IMMT: variants seen among roughly 807,000 people sequenced by gnomAD.
IMMT encodes MICOS complex subunit MIC60.
Under a neutral mutation model 92.7 loss-of-function variants are expected in IMMT, and 40 were observed. The observed-to-expected ratio is 0.43, with a 90% CI of 0.34 to 0.56. IMMT has a LOEUF of 0.56. IMMT is among the 20% of genes least tolerant of loss of function. The pLI, the probability that IMMT is intolerant of heterozygous loss-of-function variation, is 0.03. For missense variants in IMMT, 831 were observed against 912.1 expected (o/e 0.91, Z 1.14); for synonymous variants, 322 against 336.1 (o/e 0.96, Z 0.46).
chr2:86,146,692 A>G (rs1302290842), intron 13 of IMMT, among the ~76,000 whole-genome samples: 2 of 151,950 alleles, frequency 1.3e-5, no homozygotes, highest in Non-Finnish European at 2.9e-5. Flanking sequence ...AGGTTTACTG[A>G]TGGAACCTAA....
chr2:86,151,406 G>A lies in IMMT; in HGVS notation c.1292C>T (p.Thr431Met), dbSNP rs149077923. The change falls in exon 12 of 15, where the codon ACG becomes ATG. Residue 431 changes from threonine (T) to methionine (M), a missense_variant. Transcript: ENST00000410111. ...CAGCTTTTGTTTCTCCAAGGCTAAC[G>A]TGATGTGCTGCTTTTCGGTGGCCTT... Reference protein sequence around the residue: ...EQKATEKQHITLALEKQKLEE... With the variant: ...EQKATEKQHIMLALEKQKLEE... 2.8e-5 allele frequency: 45 copies of A among 1,613,846 alleles called. No individual in the cohort carries two copies. The highest frequency in any genetic ancestry group is 3.7e-5 in the Non-Finnish European group (44 of 1,179,902).
intron 13 of IMMT, 115 bp downstream of exon 13, chr2:86,147,587 G>C (rs1675115558): frequency 2.1e-6 from 2 of 960,536 alleles, no homozygotes; most frequent in South Asian, 1.9e-5. Flanking sequence ...CAGTTTTGTA[G>C]ACATACAAGG....
chr2:86,144,151 G>A lies in IMMT; in HGVS notation c.*117C>T. ...GCAACAGGTGTTAACATTTAGAACA[G>A]TACTTGTAAACCTGCTCATTTCTAG... On this transcript the variant is annotated 3_prime_UTR_variant, in exon 15 of 15. Transcript: ENST00000410111. 1 of 1,098,522 alleles carries A rather than the reference G, an allele frequency of 9.1e-7. No individual in the cohort carries two copies. The highest frequency in any genetic ancestry group is 1.3e-6 in the Non-Finnish European group (1 of 771,478). 68.0% of individuals were successfully genotyped at this position (1,098,522 alleles called of 1,614,324 possible).
Position 86,179,484 on chromosome 2 carries a change from G to A in IMMT, c.258C>T (p.Phe86=), listed in dbSNP as rs372066523. 2.2e-5 allele frequency: 35 copies of A among 1,612,784 alleles called. No individual in the cohort carries two copies. In the African/African-American group the frequency reaches 2.5e-4, roughly 12 times the overall value. The change falls in exon 3 of 15, where the codon TTC becomes TTT. Residue 86 remains phenylalanine (F), a synonymous_variant. Coordinates refer to ENST00000410111, the MANE Select transcript of IMMT (RefSeq NM_006839.3). ...AAGCTGCAGGACCAAGAACCATCTC[G>A]AAGAGTTTGTCTGAGTAAGGTATGG... ...EKTIPYSDKL[F]EMVLGPAAYN... is the part of the protein sequence containing the mutation.
At chr2:86,192,623 T>G (rs1229174313) in intron 1 of IMMT, among the ~76,000 whole-genome samples, 1 of 152,146 alleles carries the variant, frequency 6.6e-6, no homozygotes, top group Admixed American at 6.5e-5. Flanking sequence ...GGAAACTGTG[T>G]AATAAATACA....
chr2:86,148,836 C>G (rs1005152767), intron 12 of IMMT, among the ~76,000 whole-genome samples: 1 of 150,958 alleles, frequency 6.6e-6, no homozygotes, highest in African/African-American at 2.4e-5. Flanking sequence ...TTCTCAGAAA[C>G]AATATAATAA....
intron 3 of IMMT, among the ~76,000 whole-genome samples, chr2:86,174,756 A>AT (rs1677319987): frequency 6.6e-6 from 1 of 152,152 alleles, no homozygotes; most frequent in Admixed American, 6.5e-5. Context: ...ATTTAACACT[A>AT]TATCATGGAC....
chr2:86,170,242 C>T (rs190037591), intron 6 of IMMT, among the ~76,000 whole-genome samples: 270 of 152,150 alleles, frequency 1.8e-3, no homozygotes, highest in Non-Finnish European at 2.9e-3. Context: ...TAGTGAGATG[C>T]CTGTGTCTAT....
At chr2:86,168,576 T>A (rs1676878855) in intron 6 of IMMT, among the ~76,000 whole-genome samples, 2 of 152,116 alleles carry the variant, frequency 1.3e-5, no homozygotes, top group Admixed American at 6.6e-5. Flanking sequence ...TGAGCCGATA[T>A]TGCACCACTG....
At chr2:86,190,647 T>C (rs1673057317) in intron 1 of IMMT, among the ~76,000 whole-genome samples, 1 of 152,178 alleles carries the variant, frequency 6.6e-6, no homozygotes, top group Admixed American at 6.5e-5. Context: ...ATTTACTGAA[T>C]ACCCACATCT....
At chr2:86,195,213 C>G in intron 1 of IMMT, 125 bp downstream of exon 1, 4 of 1,070,482 alleles carry the variant, frequency 3.7e-6, no homozygotes, top group Non-Finnish European at 5.1e-6. Context: ...CGGGCCTCTC[C>G]CGACGAGGGT....
intron 1 of IMMT, among the ~76,000 whole-genome samples, chr2:86,183,707 T>A (rs1672577936): frequency 6.6e-6 from 1 of 152,188 alleles, no homozygotes; most frequent in Non-Finnish European, 1.5e-5. Context: ...ACATTTTATG[T>A]ATATTTATTC....
Position 86,191,907 on chromosome 2 carries a change from T to A in IMMT, c.45+3431A>T, listed in dbSNP as rs1673149811. Among the ~76,000 whole-genome samples, 6 of 149,042 alleles carry A rather than the reference T, an allele frequency of 4.0e-5. No homozygotes were observed. The Admixed American group carries it at 4.0e-4, about 10-fold the overall frequency. On this transcript the variant is annotated intron_variant, in intron 1 of 14. Transcript: ENST00000410111. The stretch of plus-strand genomic sequence containing the variant: ...TCCAGCCTGGGTGACAGAGCAAGAC[T>A]CCATCTCAAAAAAAATTAATAAATA...
At chr2:86,173,847 T>C in intron 3 of IMMT, 86 bp from the exon 4 acceptor site, 1 of 681,106 alleles carries the variant, frequency 1.5e-6, no homozygotes. Context: ...AAATGCCAAG[T>C]CTTTCAGGCT....
chr2:86,186,762 T>A (rs1672801142), intron 1 of IMMT, among the ~76,000 whole-genome samples: 1 of 152,220 alleles, frequency 6.6e-6, no homozygotes, highest in Non-Finnish European at 1.5e-5. Context: ...TTTCCAGAAC[T>A]GAGTAAGGCA....
chr2:86,190,097 T>G (rs1469267597), intron 1 of IMMT, among the ~76,000 whole-genome samples: 1 of 152,226 alleles, frequency 6.6e-6, no homozygotes, highest in Non-Finnish European at 1.5e-5. Flanking sequence ...TAAGATGTAT[T>G]TCAAAATGGT....
chr2:86,154,233 C>T (rs1196240523), intron 10 of IMMT, among the ~76,000 whole-genome samples: 3 of 148,488 alleles, frequency 2.0e-5, no homozygotes, highest in Non-Finnish European at 3.0e-5. Context: ...AGTGCAGTGG[C>T]GCAATCTCAG....
chr2:86,181,222 C>T (rs1222472644), intron 2 of IMMT, 77 bp downstream of exon 2: 9 of 1,075,776 alleles, frequency 8.4e-6, no homozygotes, highest in African/African-American at 1.6e-5. Context: ...GACAGCTATT[C>T]CCATATTCAA....
chr2:86,178,573 C>T (rs576283967), intron 3 of IMMT, among the ~76,000 whole-genome samples: 1 of 151,092 alleles, frequency 6.6e-6, no homozygotes, highest in East Asian at 2.0e-4. Context: ...TTGCAGTGAG[C>T]CGAGATCACA....
Sources: gnomAD v4.1 joint callset for allele counts (sites outside exome capture counted in the v4.1 genomes callset) on GRCh38, gnomAD v4.1.1 for gene constraint, MANE v1.5 for transcripts, NCBI Gene and HGNC (gene_info 2026-07-23, HGNC 2026-07-21) for gene names.